Variants in ZNF628 observed in about 807,000 individuals in gnomAD.
ZNF628 encodes the protein zinc finger protein Zec.
Under a neutral mutation model 2.5 loss-of-function variants are expected in ZNF628, and 3 were observed. The ratio of observed to expected loss-of-function variants is 1.19; its 90% CI spans 0.54 to 3.07. ZNF628 has a LOEUF of 3.07. ZNF628 is among the 30% of genes most tolerant of loss of function. The pLI, the probability that ZNF628 is intolerant of heterozygous loss-of-function variation, is 0.03. For missense variants in ZNF628, 1,610 were observed against 1,517.1 expected (o/e 1.06, Z -1.02); for synonymous variants, 861 against 717.1 (o/e 1.20, Z -3.21).
intron 1 of ZNF628, among the ~76,000 whole-genome samples, chr19:55,477,415 C>G (rs1236609393): frequency 2.7e-5 from 4 of 145,716 alleles, no homozygotes. Flanking sequence ...GGCTGGAGTG[C>G]AGTGGCGCGA....
Position 55,483,644 on chromosome 19 carries a change from G to A in ZNF628, c.2451G>A (p.Gly817=), listed in dbSNP as rs1266921534. 9 of 1,613,540 alleles carry A rather than the reference G, an allele frequency of 5.6e-6. No individual in the cohort carries two copies. The highest frequency in any genetic ancestry group is 2.7e-5 in the African/African-American group (2 of 74,900). The change falls in exon 3 of 3, where the codon GGG becomes GGA. Residue 817 remains glycine (G), a synonymous_variant. Coordinates refer to ENST00000598519, the MANE Select transcript of ZNF628 (RefSeq NM_033113.3). ...GGEAGPQEMS[G]VQLQPLRPAP... is the part of the protein sequence containing the mutation. The stretch of plus-strand genomic sequence containing the variant: ...AGGCAGGGCCACAGGAAATGAGTGG[G>A]GTGCAGCTCCAGCCCCTCCGACCAG...
intron 2 of ZNF628, among the ~76,000 whole-genome samples, chr19:55,480,397 C>T (rs917610076): frequency 1.3e-5 from 2 of 151,932 alleles, no homozygotes; most frequent in African/African-American, 4.8e-5. Flanking sequence ...AGGTGCCTGC[C>T]ACCACGTCCA....
chr19:55,482,508 GT>G lies in ZNF628; in HGVS notation c.1316del (p.Val439AlafsTer203). 135 of 1,294,966 alleles carry G rather than the reference GT, an allele frequency of 1.0e-4. No homozygotes were observed. The highest frequency in any genetic ancestry group is 1.3e-4 in the Non-Finnish European group (124 of 970,174). The allele number at this position is 1,294,966 out of a possible 1,614,324, so 80.2% of individuals were successfully genotyped here. A position where few individuals can be genotyped will look rare whatever the true frequency, so the allele number is the denominator to read the frequency against. On this transcript the variant is annotated frameshift_variant, in exon 3 of 3. Coordinates refer to ENST00000598519, the MANE Select transcript of ZNF628 (RefSeq NM_033113.3). LOFTEE classifies it low-confidence loss of function (END_TRUNC). ...PQEPLAPAAP[V>X]PPPPPSAPAS... ...GGAACCGCTGGCGCCTGCCGCCCCC[GT>G]CCCGCCGCCACCCCCGTCCGCCCCC... is the stretch of plus-strand genomic sequence containing the variant.
In ZNF628 at chr19:55,484,357, T is replaced by A; in HGVS notation, c.3164T>A (p.Leu1055Gln). The change falls in exon 3 of 3, where the codon CTG becomes CAG. Residue 1055 changes from leucine to glutamine, a missense_variant. Coordinates refer to ENST00000598519, the MANE Select transcript of ZNF628 (RefSeq NM_033113.3). ...GTCCAGACTCTACCCGCAGTCCAGC[T>A]GGTGCACACGTTTTGAGGAGAGGCA... Reference protein sequence around the residue: ...QIVQTLPAVQLVHTF With the variant: ...QIVQTLPAVQQVHTF 1 of 1,454,644 alleles carries A rather than the reference T, an allele frequency of 6.9e-7. No homozygotes were observed. Among genetic ancestry groups the A allele is most frequent in the Non-Finnish European group, 9.1e-7 (1 of 1,099,952 alleles). The allele number at this position is 1,454,644 out of a possible 1,614,324, so 90.1% of individuals were successfully genotyped here. A position where few individuals can be genotyped will look rare whatever the true frequency, so the allele number is the denominator to read the frequency against.
At chr19:55,477,737 C>A (rs1219960605) in intron 1 of ZNF628, among the ~76,000 whole-genome samples, 1 of 150,566 alleles carries the variant, frequency 6.6e-6, no homozygotes, top group Non-Finnish European at 1.5e-5. Flanking sequence ...ACTCCAGCCT[C>A]GGTGACAGAG....
Position 55,481,525 on chromosome 19 carries a change from G to A in ZNF628, c.332G>A (p.Arg111His), listed in dbSNP as rs1263052799. The A allele has an allele frequency of 1.2e-6, 2 of 1,611,856 alleles. No homozygotes were observed. The highest frequency in any genetic ancestry group is 1.7e-6 in the Non-Finnish European group (2 of 1,179,432). The change falls in exon 3 of 3, where the codon CGT (arginine) becomes CAT (histidine). Residue 111 changes from arginine to histidine, a missense_variant. Physicochemically the swap from Arg to His is conservative, Grantham distance 29. Transcript: ENST00000598519. ...CGCTCCTCTCTGCTGCAGATCCACC[G>A]TAGCGTGCACACCGGCCTGCGGGCC... ...FKRSSLLQIH[R>H]SVHTGLRAFI...
In ZNF628 at chr19:55,483,821, T is replaced by G; in HGVS notation, c.2628T>G (p.Asn876Lys). 2 of 1,613,504 alleles carry G rather than the reference T, an allele frequency of 1.2e-6. No individual in the cohort carries two copies. Among genetic ancestry groups the G allele is most frequent in the African/African-American group, 1.3e-5 (1 of 74,992 alleles). ...QLQPVAGQLS[N>K]SSGGAVATEA... ...AGCCCGTGGCCGGCCAGCTCTCCAA[T>G]TCCAGTGGGGGAGCTGTGGCTACTG... is the stretch of plus-strand genomic sequence containing the variant. Residue 876 changes from asparagine (N) to lysine (K), a missense_variant, in exon 3 of 3, where the codon AAT becomes AAG. By Grantham distance (94) the Asn-to-Lys change is moderately conservative (BLOSUM62 0). Coordinates refer to ENST00000598519, the MANE Select transcript of ZNF628 (RefSeq NM_033113.3).
Position 55,483,080 on chromosome 19 carries a change from C to A in ZNF628, c.1887C>A (p.Arg629=), listed in dbSNP as rs751564703. The part of the protein sequence containing the change: ...ERPFTCPICG[R]GFVMAAYLQR... ...CCTTCACCTGCCCCATCTGCGGTCG[C>A]GGCTTCGTTATGGCCGCCTATCTGC... The change falls in exon 3 of 3, where the codon CGC becomes CGA. Residue 629 remains arginine (R), a synonymous_variant. Coordinates refer to ENST00000598519, the MANE Select transcript of ZNF628 (RefSeq NM_033113.3). 3.7e-6 allele frequency: 6 copies of A among 1,608,858 alleles called. No individual in the cohort carries two copies. The South Asian group carries it at 6.6e-5, about 18-fold the overall frequency.
rs1425044669 is a variant in ZNF628 at position 55,481,865 on chromosome 19, C to T, written c.672C>T (p.Arg224=). The T allele has an allele frequency of 1.2e-5, 19 of 1,569,780 alleles. No homozygotes were observed. The highest frequency in any genetic ancestry group is 1.8e-5 in the Admixed American group (1 of 54,804). Residue 224 remains arginine, a synonymous_variant, in exon 3 of 3, where the codon CGC becomes CGT. Transcript: ENST00000598519. ...CCTCCAACCTGCTGCTGCACCAGCG[C>T]ACGCACGGCGCCGCCCCCGCCCCGG... ...THSSNLLLHQ[R]THGAAPAPGT...
chr19:55,478,014 C>T (rs1986604205), intron 1 of ZNF628, among the ~76,000 whole-genome samples: 1 of 152,176 alleles, frequency 6.6e-6, no homozygotes, highest in South Asian at 2.1e-4. Context: ...GGCAACGGTG[C>T]TCCCCAGGGG....
chr19:55,477,374 TTC>T (rs1375093774), intron 1 of ZNF628, among the ~76,000 whole-genome samples: 1 of 151,420 alleles, frequency 6.6e-6, no homozygotes, highest in African/African-American at 2.4e-5. Flanking sequence ...TTTTTTTTTT[TTC>T]TGGAGACGGA....
chr19:55,484,178 C>A lies in ZNF628; in HGVS notation c.2985C>A (p.Thr995=). 1 of 1,555,650 alleles carries A rather than the reference C, an allele frequency of 6.4e-7. No individual in the cohort carries two copies. The highest frequency in any genetic ancestry group is 8.7e-7 in the Non-Finnish European group (1 of 1,150,830). ...ACAGCAGCAACACTGGAGGAGGCACCGCCACGCTGCAGCTCCTGGCCCCAC... is the reference window on the plus strand; with the variant it reads ...ACAGCAGCAACACTGGAGGAGGCACAGCCACGCTGCAGCTCCTGGCCCCAC... ...LLDSSNTGGG[T]ATLQLLAPPP... Residue 995 remains threonine, a synonymous_variant, in exon 3 of 3, where the codon ACC becomes ACA. Transcript: ENST00000598519.
In ZNF628 at chr19:55,479,770, A is replaced by C; in HGVS notation, c.-77-64A>C. On this transcript the variant is annotated intron_variant, in intron 1 of 2. Coordinates refer to ENST00000598519, the MANE Select transcript of ZNF628 (RefSeq NM_033113.3). This position sits in a 1 kb window ranked among gnomAD's most constrained non-coding sequence, Gnocchi z 5.1. Reference sequence around the variant, plus strand: ...TTGAAGGCACAGTTTGTCCCAGTTGAGAACCACTAGTATCGTGGTCAGAAT... The same window carrying C: ...TTGAAGGCACAGTTTGTCCCAGTTGCGAACCACTAGTATCGTGGTCAGAAT... 1 of 394,842 alleles carries C rather than the reference A, an allele frequency of 2.5e-6. No individual in the cohort carries two copies. The highest frequency in any genetic ancestry group is 2.1e-5 in the African/African-American group (1 of 48,660). The allele number at this position is 394,842 out of a possible 1,614,324, so 24.5% of individuals were successfully genotyped here.
In ZNF628 at chr19:55,482,160, C is replaced by G; in HGVS notation, c.967C>G (p.Pro323Ala). 6.7e-7 allele frequency: 1 copy of G among 1,497,784 alleles called. No homozygotes were observed. 92.8% of individuals were successfully genotyped at this position (1,497,784 alleles called of 1,614,324 possible). A position where few individuals can be genotyped will look rare whatever the true frequency, so the allele number is the denominator to read the frequency against. The change falls in exon 3 of 3, where the codon CCC (proline) becomes GCC (alanine). Residue 323 changes from proline to alanine, a missense_variant. Around this residue, in one of 5 missense-constraint regions of ZNF628, gnomAD observed 651 missense variants for 575.6 expected, o/e 1.13. Coordinates refer to ENST00000598519, the MANE Select transcript of ZNF628 (RefSeq NM_033113.3). ...GCCGTGCCCCGGGCCCGATGCGGCG[C>G]CCCAGCCCCAGGAGGCACCCGCCGA... ...HQPCPGPDAA[P>A]QPQEAPAEAP...
chr19:55,483,769 C>T lies in ZNF628; in HGVS notation c.2576C>T (p.Ala859Val). 6.2e-7 allele frequency: 1 copy of T among 1,613,472 alleles called. No individual in the cohort carries two copies. Among genetic ancestry groups the T allele is most frequent in the South Asian group, 1.1e-5 (1 of 91,076 alleles). The change falls in exon 3 of 3, where the codon GCA becomes GTA. Residue 859 changes from alanine (A) to valine (V), a missense_variant. By Grantham distance (64) the Ala-to-Val change is moderately conservative. Around this residue, in one of 5 missense-constraint regions of ZNF628, gnomAD observed 712 missense variants for 603.6 expected, o/e 1.18. Coordinates refer to ENST00000598519, the MANE Select transcript of ZNF628 (RefSeq NM_033113.3). ...GTAACCACGGTCCAGCTCCAGCCAG[C>T]ACAGGAGGTGACCACGGTCCAGCTC... ...QEVTTVQLQP[A>V]QEVTTVQLQP... is the part of the protein sequence containing the mutation.
chr19:55,482,678 C>T lies in ZNF628; in HGVS notation c.1485C>T (p.Ser495=). The change falls in exon 3 of 3, where the codon TCC becomes TCT. Residue 495 remains serine, a synonymous_variant. Coordinates refer to ENST00000598519, the MANE Select transcript of ZNF628 (RefSeq NM_033113.3). The part of the protein sequence containing the change: ...GECGKAFKRS[S]LLAIHQRVHT... The stretch of plus-strand genomic sequence containing the variant: ...GCGGCAAGGCCTTCAAGCGCTCCTC[C>T]CTGCTGGCCATCCACCAGCGGGTGC... 6.2e-7 allele frequency: 1 copy of T among 1,612,502 alleles called. No individual in the cohort carries two copies. Among genetic ancestry groups the T allele is most frequent in the Non-Finnish European group, 8.5e-7 (1 of 1,179,482 alleles).
chr19:55,477,157 A>G (rs1419040371), intron 1 of ZNF628, among the ~76,000 whole-genome samples: 9 of 152,276 alleles, frequency 5.9e-5, no homozygotes, highest in Admixed American at 1.3e-4. Context: ...TAGCTCAACA[A>G]AAGTGGAGAT....
rs1332614139 is a variant in ZNF628, at chr19:55,482,144, C to T, written c.951C>T (p.Pro317=). The change falls in exon 3 of 3, where the codon CCC becomes CCT. Residue 317 remains proline (P), a synonymous_variant. Transcript: ENST00000598519. Reference sequence around the variant, plus strand: ...TGCTCCTGGAGCACCAGCCGTGCCCCGGGCCCGATGCGGCGCCCCAGCCCC... The same window carrying T: ...TGCTCCTGGAGCACCAGCCGTGCCCTGGGCCCGATGCGGCGCCCCAGCCCC... ...EELLLEHQPC[P]GPDAAPQPQE... is the part of the protein sequence containing the mutation. 4 of 1,502,404 alleles carry T rather than the reference C, an allele frequency of 2.7e-6. No individual in the cohort carries two copies. Among genetic ancestry groups the T allele is most frequent in the East Asian group, 2.8e-5 (1 of 36,322 alleles). 93.1% of individuals were successfully genotyped at this position (1,502,404 alleles called of 1,614,324 possible).
intron 1 of ZNF628, among the ~76,000 whole-genome samples, chr19:55,477,657 G>C (rs1986591314): frequency 6.6e-6 from 1 of 152,046 alleles, no homozygotes; most frequent in Non-Finnish European, 1.5e-5. Flanking sequence ...AGCTACTCGG[G>C]AGGCTGAGGC....
Sources: allele counts gnomAD v4.1 joint callset (sites outside exome capture counted in the v4.1 genomes callset), GRCh38; gene constraint gnomAD v4.1.1; regional missense constraint gnomAD v4.1.1; non-coding constraint Gnocchi (gnomAD v3.1); transcripts MANE v1.5; gene names NCBI Gene and HGNC (gene_info 2026-07-23, HGNC 2026-07-21).